PPP2R2C: variants seen among roughly 807,000 people sequenced by gnomAD.
The protein encoded by PPP2R2C is protein phosphatase 2, regulatory subunit B, gamma.
Under a neutral mutation model 45.3 loss-of-function variants are expected in PPP2R2C, and 10 were observed. That is an observed-to-expected ratio of 0.22 (90% confidence interval 0.14 to 0.37). The LOEUF is 0.37. Ranked by LOEUF, PPP2R2C falls within the 10% of genes least tolerant of loss-of-function variation. PPP2R2C has a pLI of 1.00. For synonymous variants in PPP2R2C, 257 were observed against 245.4 expected (o/e 1.05, Z -0.44); for missense variants, 308 against 619.7 (o/e 0.50, Z 5.34).
Position 6,357,628 on chromosome 4 carries a change from G to C in PPP2R2C, c.626-9618C>G, listed in dbSNP as rs190990535. Among the ~76,000 whole-genome samples, 690 of 152,224 alleles carry C rather than the reference G, an allele frequency of 4.5e-3. 2 individuals carry two copies. Among genetic ancestry groups the C allele is most frequent in the Middle Eastern group, 6.8e-3 (2 of 294 alleles). Reference sequence around the variant, plus strand: ...AGCCTCCCTTCTTTACTGCACACAGGCCCAGGTTCAATGTCAGATGGAGCA... The same window carrying C: ...AGCCTCCCTTCTTTACTGCACACAGCCCCAGGTTCAATGTCAGATGGAGCA... On this transcript the variant is annotated intron_variant, in intron 5 of 8. Transcript: ENST00000382599.
intron 6 of PPP2R2C, among the ~76,000 whole-genome samples, chr4:6,336,514 G>C (rs903607777): frequency 2.0e-5 from 3 of 151,990 alleles, no homozygotes; most frequent in African/African-American, 7.3e-5. Flanking sequence ...GAAGGGGCAG[G>C]AGGAGGGGGT....
At position 6,330,902 on chromosome 4, in the gene PPP2R2C, C is replaced by A. The variant is rs571280015; in HGVS notation, c.961-1549G>T. 2.0e-5 allele frequency among the ~76,000 whole-genome samples: 3 copies of A among 152,142 alleles called. No individual in the cohort carries two copies. Among genetic ancestry groups the A allele is most frequent in the Non-Finnish European group, 4.4e-5 (3 of 68,026 alleles). On this transcript the variant is annotated intron_variant, in intron 7 of 8. Coordinates refer to ENST00000382599, the MANE Select transcript of PPP2R2C (RefSeq NM_020416.4). The surrounding 1 kb of genome is among the most constrained non-coding windows in gnomAD (Gnocchi z 7.0). ...CCCGTGTCCTCCTGGTGACCCTTGC[C>A]TTCCCCTTGGGCCCCTGGGCTGCAG...
chr4:6,519,384 T>G (rs952310194), intron 2 of PPP2R2C, among the ~76,000 whole-genome samples: 4 of 152,162 alleles, frequency 2.6e-5, no homozygotes, highest in African/African-American at 9.7e-5. Flanking sequence ...CCAGGCCCCA[T>G]GCTTTTGAGA....
intron 1 of PPP2R2C, among the ~76,000 whole-genome samples, chr4:6,424,625 C>A (rs986155095): frequency 6.6e-5 from 10 of 152,302 alleles, no homozygotes; most frequent in African/African-American, 2.4e-4. Flanking sequence ...AATGCCTCCT[C>A]CAGAGGCGGC....
At chr4:6,358,466 A>T (rs1355613909) in intron 5 of PPP2R2C, among the ~76,000 whole-genome samples, 3 of 152,114 alleles carry the variant, frequency 2.0e-5, no homozygotes, top group South Asian at 2.1e-4. Context: ...CAATGGCAAC[A>T]AAAGCCAAAA....
At chr4:6,494,075 C>G (rs1244029098) in intron 2 of PPP2R2C, among the ~76,000 whole-genome samples, 1 of 152,194 alleles carries the variant, frequency 6.6e-6, no homozygotes, top group Non-Finnish European at 1.5e-5. Flanking sequence ...ATTTTTCCGC[C>G]TGAGTCTTTT....
chr4:6,340,822 TG>T (rs1367271843), intron 6 of PPP2R2C, among the ~76,000 whole-genome samples: 1 of 152,252 alleles, frequency 6.6e-6, no homozygotes, highest in Non-Finnish European at 1.5e-5. Context: ...GCTCTTGCTC[TG>T]GCCTGTGAGG....
chr4:6,491,822 G>A (rs562014570), intron 2 of PPP2R2C, among the ~76,000 whole-genome samples: 7 of 152,146 alleles, frequency 4.6e-5, no homozygotes, highest in East Asian at 1.9e-4. Flanking sequence ...TTTCTGCCAC[G>A]ATTATAAGCT....
chr4:6,331,818 C>G lies in PPP2R2C; in HGVS notation c.960+1744G>C, dbSNP rs1372609340. 6.6e-6 allele frequency among the ~76,000 whole-genome samples: 1 copy of G among 152,162 alleles called. No individual in the cohort carries two copies. The highest frequency in any genetic ancestry group is 2.4e-5 in the African/African-American group (1 of 41,434). On this transcript the variant is annotated intron_variant, in intron 7 of 8. Transcript: ENST00000382599. This position sits in a 1 kb window ranked among gnomAD's most constrained non-coding sequence, Gnocchi z 5.9. ...CCCCCACCTTCCTGGACTGCCCTCT[C>G]CAGACTCCCTGTTGTGGGAGAAAAA...
chr4:6,402,881 G>A (rs1717509456), intron 1 of PPP2R2C, among the ~76,000 whole-genome samples: 1 of 152,236 alleles, frequency 6.6e-6, no homozygotes, highest in Admixed American at 6.5e-5. Context: ...AGAGGAGGGA[G>A]GCAGGACCTC....
intron 1 of PPP2R2C, among the ~76,000 whole-genome samples, chr4:6,548,033 C>T (rs927640430): frequency 3.3e-5 from 5 of 152,022 alleles, no homozygotes; most frequent in Non-Finnish European, 5.9e-5. Flanking sequence ...GCCTGGCCAA[C>T]GTGGTGAAAC....
intron 1 of PPP2R2C, among the ~76,000 whole-genome samples, chr4:6,464,189 T>C (rs1382566554): frequency 6.6e-6 from 1 of 152,200 alleles, no homozygotes; most frequent in African/African-American, 2.4e-5. Flanking sequence ...CAGCATATAG[T>C]ATTATAGTAC....
chr4:6,381,148 C>T (rs766905839), intron 1 of PPP2R2C, 54 bp from the exon 2 acceptor site: 4 of 1,553,250 alleles, frequency 2.6e-6, no homozygotes, highest in African/African-American at 2.7e-5. Flanking sequence ...CCGCCTCTCC[C>T]GGGTGCTCAA....
chr4:6,334,229 G>A (rs1186264233), intron 6 of PPP2R2C, among the ~76,000 whole-genome samples: 2 of 152,170 alleles, frequency 1.3e-5, no homozygotes, highest in East Asian at 3.8e-4. Context: ...AGGCATGGCT[G>A]AGCCCTACTT....
chr4:6,355,880 G>C (rs898084294), intron 5 of PPP2R2C, among the ~76,000 whole-genome samples: 17 of 151,572 alleles, frequency 1.1e-4, no homozygotes, highest in Non-Finnish European at 1.9e-4. Flanking sequence ...TGTAATCCCA[G>C]CTACTCAGGA....
At position 6,407,564 on chromosome 4, in the gene PPP2R2C, A is replaced by AT. The variant is rs374355980; in HGVS notation, c.71-26471dup. 2.6e-3 allele frequency among the ~76,000 whole-genome samples: 393 copies of AT among 151,824 alleles called. 3 individuals are homozygous for AT. In the Middle Eastern group the frequency reaches 0.027, roughly 11 times the overall value. ...CACCCGCCACCACACCCGGCTAATT[A>AT]TTTTTTTTGTATTTTTAGTAGAGAC... On this transcript the variant is annotated intron_variant, in intron 1 of 8. Coordinates refer to ENST00000382599, the MANE Select transcript of PPP2R2C (RefSeq NM_020416.4).
At chr4:6,428,407 A>C (rs1002535120) in intron 1 of PPP2R2C, among the ~76,000 whole-genome samples, 1 of 152,200 alleles carries the variant, frequency 6.6e-6, no homozygotes, top group African/African-American at 2.4e-5. Flanking sequence ...ATGAAAGCTG[A>C]TTGCTGGTGA....
At position 6,501,699 on chromosome 4, in the gene PPP2R2C, A is replaced by G. The variant is rs192730552; in HGVS notation, c.49+33572T>C. Among the ~76,000 whole-genome samples the G allele has an allele frequency of 3.9e-4, 59 of 152,328 alleles. No homozygotes were observed. In the East Asian group the frequency reaches 0.011, roughly 28 times the overall value. On this transcript the variant is annotated intron_variant, in intron 2 of 9. Coordinates refer to the PPP2R2C transcript ENST00000506140. Reference sequence around the variant, plus strand: ...GAAGGCATGCGTGTTGGCCCATTTTACAGACGAAGAAGCCATGGCTTAGGG... The same window carrying G: ...GAAGGCATGCGTGTTGGCCCATTTTGCAGACGAAGAAGCCATGGCTTAGGG...
chr4:6,412,931 C>T (rs866146756), intron 1 of PPP2R2C, among the ~76,000 whole-genome samples: 4 of 152,278 alleles, frequency 2.6e-5, no homozygotes, highest in Middle Eastern at 3.4e-3. Flanking sequence ...CAACAGACAC[C>T]GAAACTGCTG....
Sources: allele counts gnomAD v4.1 joint callset (sites outside exome capture counted in the v4.1 genomes callset), GRCh38; gene constraint gnomAD v4.1.1; non-coding constraint Gnocchi (gnomAD v3.1); transcripts MANE v1.5; gene names NCBI Gene and HGNC (gene_info 2026-07-23, HGNC 2026-07-21).